Variants in PPP2R5A observed in about 807,000 individuals in gnomAD.
PPP2R5A encodes the protein serine/threonine-protein phosphatase 2A 56 kDa regulatory subunit alpha isoform.
In PPP2R5A, 25 loss-of-function variants were observed where a neutral mutation model predicts 64.2. The observed-to-expected ratio is 0.39, with a 90% CI of 0.28 to 0.54. The LOEUF (loss-of-function observed/expected upper bound fraction) is 0.54. Ranked by LOEUF, PPP2R5A falls within the 20% of genes least tolerant of loss-of-function variation. PPP2R5A has a pLI of 0.67. For synonymous variants in PPP2R5A, 198 were observed against 201.2 expected (o/e 0.98, Z 0.13); for missense variants, 425 against 576.3 (o/e 0.74, Z 2.69).
intron 3 of PPP2R5A, among the ~76,000 whole-genome samples, chr1:212,335,131 T>A (rs78567200): frequency 0.013 from 2,049 of 152,186 alleles, 46 homozygotes; most frequent in African/African-American, 0.045. Flanking sequence ...GATTTTTTTT[T>A]AATTTTGCAA....
At chr1:212,313,470 G>A (rs940657476) in intron 1 of PPP2R5A, among the ~76,000 whole-genome samples, 1 of 151,862 alleles carries the variant, frequency 6.6e-6, no homozygotes, top group Non-Finnish European at 1.5e-5. Flanking sequence ...TGTTTCATGT[G>A]ACCTTTTTTT....
intron 8 of PPP2R5A, 79 bp from the exon 9 acceptor site, chr1:212,356,547 A>G: frequency 7.6e-7 from 1 of 1,321,110 alleles, no homozygotes; most frequent in Non-Finnish European, 1.1e-6. Context: ...GAGTGTTGAT[A>G]TAATCACAGC....
chr1:212,352,004 TTTTTA>T (rs916336502), intron 8 of PPP2R5A, among the ~76,000 whole-genome samples: 22 of 150,040 alleles, frequency 1.5e-4, no homozygotes, highest in African/African-American at 4.9e-4. Context: ...TATTATTTTA[TTTTTA>T]TTTTATTTTA....
intron 11 of PPP2R5A, chr1:212,357,530 G>A (rs1005721151): frequency 1.0e-4 from 25 of 247,460 alleles, no homozygotes; most frequent in Admixed American, 8.4e-4. Flanking sequence ...ACAGCCGGGC[G>A]CGGTGGCTCA....
chr1:212,359,144 T>C (rs2102452179), intron 12 of PPP2R5A, among the ~76,000 whole-genome samples: 1 of 152,370 alleles, frequency 6.6e-6, no homozygotes, highest in East Asian at 1.9e-4. Flanking sequence ...GCATATGAAA[T>C]ATAATTTATG....
intron 1 of PPP2R5A, among the ~76,000 whole-genome samples, chr1:212,323,935 G>T (rs1361399063): frequency 6.6e-6 from 1 of 152,100 alleles, no homozygotes; most frequent in African/African-American, 2.4e-5. Flanking sequence ...AGCCGGGTGT[G>T]GTGGTGAGTG....
chr1:212,295,429 G>A (rs1461508814), intron 1 of PPP2R5A, among the ~76,000 whole-genome samples: 2 of 152,134 alleles, frequency 1.3e-5, no homozygotes, highest in Non-Finnish European at 1.5e-5. Context: ...TTGAAGTGAA[G>A]CTGCCTAGTA....
chr1:212,344,530 A>G (rs1396160781), intron 4 of PPP2R5A, among the ~76,000 whole-genome samples: 2 of 152,246 alleles, frequency 1.3e-5, no homozygotes, highest in Non-Finnish European at 2.9e-5. Flanking sequence ...GATGAGGTTC[A>G]GAGCTTGCTA....
At chr1:212,302,021 A>G in intron 1 of PPP2R5A, 1 of 1,511,058 alleles carries the variant, frequency 6.6e-7, no homozygotes, top group Non-Finnish European at 8.8e-7. Flanking sequence ...TAACTTGGTT[A>G]TCACCTCAGA....
chr1:212,360,233 TTC>T (rs1215231745), intron 12 of PPP2R5A, among the ~76,000 whole-genome samples: 1 of 152,220 alleles, frequency 6.6e-6, no homozygotes, highest in Non-Finnish European at 1.5e-5. Context: ...ATGATGTGGC[TTC>T]TGTCTGGTGT....
intron 1 of PPP2R5A, among the ~76,000 whole-genome samples, chr1:212,322,661 T>A (rs898058123): frequency 7.9e-5 from 12 of 152,240 alleles, no homozygotes; most frequent in Non-Finnish European, 1.2e-4. Flanking sequence ...ACAACTGTTT[T>A]ACCTTAGCTG....
intron 8 of PPP2R5A, among the ~76,000 whole-genome samples, chr1:212,351,290 T>C (rs1257991073): frequency 6.6e-6 from 1 of 152,052 alleles, no homozygotes; most frequent in Non-Finnish European, 1.5e-5. Flanking sequence ...TCTCTCGATA[T>C]AGAGATCTTG....
chr1:212,358,750 G>A lies in PPP2R5A; in HGVS notation c.1291G>A (p.Asp431Asn), dbSNP rs752030312. Residue 431 changes from aspartate (D) to asparagine (N), a missense_variant, in exon 12 of 13, where the codon GAT (aspartate) becomes AAT (asparagine). Asp to Asn is a conservative substitution (Grantham distance 23). Around this residue, in one of 4 missense-constraint regions of PPP2R5A, gnomAD observed 177 missense variants for 244.8 expected, o/e 0.72. Transcript: ENST00000261461. ...TLMEMNGKLF[D>N]DLTSSYKAER... ...AATGGAAATGAATGGCAAGCTTTTC[G>A]ATGACCTTACTAGCTCATACAAAGC... The A allele has an allele frequency of 3.7e-6, 6 of 1,613,456 alleles. No individual in the cohort carries two copies. The highest frequency in any genetic ancestry group is 2.2e-5 in the South Asian group (2 of 91,032).
At chr1:212,301,593 G>A (rs1041010479) in intron 1 of PPP2R5A, among the ~76,000 whole-genome samples, 4 of 152,172 alleles carry the variant, frequency 2.6e-5, no homozygotes, top group Admixed American at 6.5e-5. Flanking sequence ...TCACAGTGCT[G>A]TGAATCATTT....
At chr1:212,343,529 G>T (rs1307604652) in intron 4 of PPP2R5A, among the ~76,000 whole-genome samples, 1 of 152,142 alleles carries the variant, frequency 6.6e-6, no homozygotes, top group African/African-American at 2.4e-5. Flanking sequence ...ATTCTGACCT[G>T]TTGCTGTGAA....
chr1:212,348,250 T>TA (rs1293385561), intron 6 of PPP2R5A, 139 bp from the exon 7 acceptor site: 2 of 625,336 alleles, frequency 3.2e-6, no homozygotes, highest in African/African-American at 3.8e-5. Context: ...ATAGTCTTCC[T>TA]AAAGTAGTTT....
At chr1:212,351,043 C>T (rs1659867483) in intron 8 of PPP2R5A, among the ~76,000 whole-genome samples, 1 of 150,232 alleles carries the variant, frequency 6.7e-6, no homozygotes, top group Non-Finnish European at 1.5e-5. Context: ...ACTAGGGAGG[C>T]CGAGGCACAA....
Position 212,336,828 on chromosome 1 carries a change from G to A in PPP2R5A, c.480+3230G>A, listed in dbSNP as rs556320132. Among the ~76,000 whole-genome samples the A allele has an allele frequency of 9.2e-5, 14 of 152,112 alleles. No individual in the cohort carries two copies. In the South Asian group the frequency reaches 1.7e-3, roughly 18 times the overall value. ...AACCCACCTGGAATTCTTTTGTTTC[G>A]TACTAAAAGTTTACGTTTTACATTT... On this transcript the variant is annotated intron_variant, in intron 3 of 12. Transcript: ENST00000261461.
chr1:212,309,182 C>T lies in PPP2R5A; in HGVS notation c.182-19953C>T, dbSNP rs954108279. Reference sequence around the variant, plus strand: ...ACATTGGTGTCATAGAGCTTCTTCACAGCCTGTTTAATCTGGTGCTTGTTG... The same window carrying T: ...ACATTGGTGTCATAGAGCTTCTTCATAGCCTGTTTAATCTGGTGCTTGTTG... On this transcript the variant is annotated intron_variant, in intron 1 of 12. Transcript: ENST00000261461. 6.0e-6 allele frequency: 8 copies of T among 1,342,922 alleles called. No individual in the cohort carries two copies. The African/African-American group carries it at 1.0e-4, about 17-fold the overall frequency. 83.2% of individuals were successfully genotyped at this position (1,342,922 alleles called of 1,614,324 possible).
Sources: gnomAD v4.1 joint callset for allele counts (sites outside exome capture counted in the v4.1 genomes callset) on GRCh38, gnomAD v4.1.1 for gene constraint, gnomAD v4.1.1 regional missense constraint, MANE v1.5 for transcripts, NCBI Gene and HGNC (gene_info 2026-07-23, HGNC 2026-07-21) for gene names.